Variants in BANP observed in about 807,000 individuals in gnomAD.
The protein encoded by BANP is protein BANP.
A neutral mutation model predicts 68.1 loss-of-function variants in BANP; 11 were observed. The observed-to-expected ratio is 0.16, with a 90% CI of 0.10 to 0.27. The LOEUF is 0.27. Ranked by LOEUF, BANP falls within the 10% of genes least tolerant of loss-of-function variation. BANP has a pLI of 1.00. For missense variants in BANP, 504 were observed against 722.7 expected (o/e 0.70, Z 3.47); for synonymous variants, 329 against 303.2 (o/e 1.09, Z -0.88).
intron 13 of BANP, among the ~76,000 whole-genome samples, chr16:88,073,926 G>T (rs563141768): frequency 6.6e-6 from 1 of 152,224 alleles, no homozygotes; most frequent in East Asian, 1.9e-4. Flanking sequence ...AGGATCCATC[G>T]TAACAGCCAA....
intron 11 of BANP, among the ~76,000 whole-genome samples, chr16:88,046,114 G>A (rs1378734319): frequency 4.6e-5 from 7 of 152,258 alleles, no homozygotes; most frequent in African/African-American, 1.7e-4. Flanking sequence ...GCAGACAGAA[G>A]CTTTACCCTG....
intron 11 of BANP, among the ~76,000 whole-genome samples, chr16:88,041,651 C>T (rs1400947507): frequency 1.3e-5 from 2 of 151,202 alleles, no homozygotes; most frequent in Non-Finnish European, 2.9e-5. Context: ...GGAGGGCTGC[C>T]TCGACCTCCT....
chr16:88,019,407 G>A (rs2075364054), intron 7 of BANP, among the ~76,000 whole-genome samples: 1 of 151,964 alleles, frequency 6.6e-6, no homozygotes, highest in Admixed American at 6.6e-5. Flanking sequence ...CTGGCGGGAG[G>A]GTGTGGGAGG....
intron 3 of BANP, among the ~76,000 whole-genome samples, chr16:87,981,476 G>C (rs2063264550): frequency 6.6e-6 from 1 of 152,072 alleles, no homozygotes. Flanking sequence ...CCCTAATCCA[G>C]GTTGATCTCA....
At chr16:87,981,587 G>T (rs4843765) in intron 3 of BANP, among the ~76,000 whole-genome samples, 27 of 152,204 alleles carry the variant, frequency 1.8e-4, no homozygotes, top group African/African-American at 6.5e-4. Flanking sequence ...TAGGATGTGG[G>T]TATATCACTT....
intron 1 of BANP, among the ~76,000 whole-genome samples, chr16:87,963,773 TG>T (rs2059593721): frequency 1.3e-5 from 2 of 152,248 alleles, no homozygotes; most frequent in Admixed American, 6.5e-5. Flanking sequence ...ACAGGAAGCC[TG>T]GCTTGACTTT....
intron 1 of BANP, among the ~76,000 whole-genome samples, chr16:87,964,920 C>T (rs756117511): frequency 8.5e-5 from 13 of 152,162 alleles, no homozygotes; most frequent in Non-Finnish European, 1.9e-4. Context: ...TCAGTTTGGA[C>T]ATGTTAGAAT....
chr16:88,067,959 C>G (rs1326118300), intron 12 of BANP, among the ~76,000 whole-genome samples: 1 of 152,266 alleles, frequency 6.6e-6, no homozygotes, highest in Non-Finnish European at 1.5e-5. Flanking sequence ...CCTCCGTCCC[C>G]AACAGACCCG....
At chr16:88,010,358 T>G (rs1023148404) in intron 6 of BANP, among the ~76,000 whole-genome samples, 2 of 152,196 alleles carry the variant, frequency 1.3e-5, no homozygotes, top group Non-Finnish European at 2.9e-5. Flanking sequence ...GGGGAAGGAT[T>G]GTGGTTGAAT....
chr16:88,034,343 C>T (rs577108505), intron 9 of BANP, among the ~76,000 whole-genome samples: 2 of 152,286 alleles, frequency 1.3e-5, no homozygotes, highest in African/African-American at 4.8e-5. Flanking sequence ...ATAGAACATT[C>T]TACAGGAGTT....
intron 2 of BANP, among the ~76,000 whole-genome samples, chr16:87,977,759 A>G (rs998821593): frequency 1.2e-4 from 18 of 152,244 alleles, no homozygotes; most frequent in Non-Finnish European, 1.9e-4. Context: ...TGTACCAACT[A>G]TGGCTTGCGC....
At chr16:88,073,841 TTTAC>T (rs1185155646) in intron 13 of BANP, among the ~76,000 whole-genome samples, 2 of 152,280 alleles carry the variant, frequency 1.3e-5, no homozygotes, top group Admixed American at 1.3e-4. Context: ...ATGGTTGGTG[TTTAC>T]ACCCCTAGCT....
intron 11 of BANP, among the ~76,000 whole-genome samples, chr16:88,041,592 AC>A (rs1300725825): frequency 3.9e-5 from 6 of 152,272 alleles, no homozygotes; most frequent in Non-Finnish European, 8.8e-5. Context: ...GCCCTGTCTC[AC>A]GCTCTTTCTG....
At chr16:87,973,761 AAAAAAAAAAAAAAG>A (rs1382963201) in intron 1 of BANP, among the ~76,000 whole-genome samples, 9 of 65,798 alleles carry the variant, frequency 1.4e-4, no homozygotes, top group Non-Finnish European at 3.6e-4. Flanking sequence ...CACAAAAAAA[AAAAAAAAAAAAAAG>A]AAAAAAGAAA....
rs953815374 is a variant in BANP at position 87,957,623 on chromosome 16, T to C, written c.-69+6108T>C. Among the ~76,000 whole-genome samples the C allele has an allele frequency of 6.6e-6, 1 of 152,238 alleles. No individual in the cohort carries two copies. The highest frequency in any genetic ancestry group is 1.5e-5 in the Non-Finnish European group (1 of 68,048). ...GGCCTGTAGTGATTTTCCTTTTCCC[T>C]TGAGATGAAAAGTCATCAAATATCT... On this transcript the variant is annotated intron_variant, in intron 1 of 13. Transcript: ENST00000682872. This position sits in a 1 kb window ranked among gnomAD's most constrained non-coding sequence, Gnocchi z 4.3.
chr16:87,965,537 G>T (rs1442371309), intron 1 of BANP, among the ~76,000 whole-genome samples: 1 of 151,606 alleles, frequency 6.6e-6, no homozygotes, highest in African/African-American at 2.4e-5. Context: ...GAAGTGAGAG[G>T]GAGGAGAGCA....
upstream of BANP, among the ~76,000 whole-genome samples, chr16:87,950,278 A>G (rs1014730380): frequency 2.0e-5 from 3 of 152,230 alleles, no homozygotes; most frequent in Non-Finnish European, 4.4e-5. Context: ...AGAGGCGAGT[A>G]TAAAGAAGAA....
chr16:88,011,054 A>G (rs955928991), intron 6 of BANP, among the ~76,000 whole-genome samples: 5 of 152,252 alleles, frequency 3.3e-5, no homozygotes, highest in African/African-American at 1.2e-4. Flanking sequence ...AGTGACCACA[A>G]TAAAACCAAG....
At chr16:87,966,442 C>G (rs962578423) in intron 1 of BANP, among the ~76,000 whole-genome samples, 1 of 152,232 alleles carries the variant, frequency 6.6e-6, no homozygotes, top group Non-Finnish European at 1.5e-5. Context: ...AAAATAGCAA[C>G]CACAGGCATT....
Sources: allele counts gnomAD v4.1 joint callset (sites outside exome capture counted in the v4.1 genomes callset), GRCh38; gene constraint gnomAD v4.1.1; non-coding constraint Gnocchi (gnomAD v3.1); transcripts MANE v1.5; gene names NCBI Gene and HGNC (gene_info 2026-07-23, HGNC 2026-07-21).